Variants in MBP observed in about 807,000 individuals in gnomAD.
MBP encodes Golli-MBP.
MBP carries 16 observed loss-of-function variants against 35.8 expected under a neutral mutation model. That is an observed-to-expected ratio of 0.45 (90% CI 0.30 to 0.68). The LOEUF (loss-of-function observed/expected upper bound fraction) is 0.68, where lower values mean the gene tolerates loss of function less well. Among genes scored for constraint, MBP ranks in the 30% least tolerant of loss-of-function variants. The pLI is 0.08. For missense variants in MBP, 380 were observed against 404.7 expected, an observed-to-expected ratio of 0.94 and a Z score of 0.52; for synonymous variants, 143 against 159.6, an observed-to-expected ratio of 0.90 and a Z score of 0.78.
intron 8 of MBP, chr18:76,980,887 CCCTAGCA>C: frequency 5.2e-6 from 1 of 191,464 alleles, no homozygotes; most frequent in Non-Finnish European, 1.1e-5. Flanking sequence ...TTCGGCGGGA[CCCTAGCA>C]CACCCCTTGC....
At chr18:77,097,913 T>TAA (rs140236492) in intron 2 of MBP, among the ~76,000 whole-genome samples, 1 of 151,510 alleles carries the variant, frequency 6.6e-6, no homozygotes, top group Non-Finnish European at 1.5e-5. Context: ...AATCTTTTTT[T>TAA]TAAAAAAATA....
intron 3 of MBP, among the ~76,000 whole-genome samples, chr18:77,032,045 GA>G (rs1270332812): frequency 2.0e-5 from 3 of 152,242 alleles, no homozygotes; most frequent in Admixed American, 1.3e-4. Flanking sequence ...TAAAGGTGCA[GA>G]ACCGAGCTTT....
At chr18:77,093,688 T>C (rs1425589324) in intron 2 of MBP, among the ~76,000 whole-genome samples, 1 of 152,162 alleles carries the variant, frequency 6.6e-6, no homozygotes, top group Non-Finnish European at 1.5e-5. Flanking sequence ...AGGGTGAACC[T>C]CGTAAGATTG....
intron 3 of MBP, among the ~76,000 whole-genome samples, chr18:77,055,150 C>T (rs1190925768): frequency 1.3e-5 from 2 of 152,280 alleles, no homozygotes; most frequent in Admixed American, 6.5e-5. Context: ...CTGGGCCCTG[C>T]GTGTCTGTAC....
intron 3 of MBP, among the ~76,000 whole-genome samples, chr18:77,049,930 T>C (rs8088143): frequency 0.2 from 30,782 of 152,146 alleles, 3,605 homozygotes; most frequent in South Asian, 0.32. Context: ...TCTGCCTGCC[T>C]CAGCCTCCCA....
At position 77,009,910 on chromosome 18, in the gene MBP, G is replaced by A. The variant is rs149668522; in HGVS notation, c.576+6922C>T. 373 of 1,589,694 alleles carry A rather than the reference G, an allele frequency of 2.3e-4. 3 individuals are homozygous for A. In the Admixed American group the frequency reaches 6.3e-3, roughly 27 times the overall value. Reference sequence around the variant, plus strand: ...ATGAGAGGGCAGAGGGCTCCGGCCCGGCTTTAGCCAGGGTACCTGCCGGGG... The same window carrying A: ...ATGAGAGGGCAGAGGGCTCCGGCCCAGCTTTAGCCAGGGTACCTGCCGGGG... On this transcript the variant is annotated intron_variant, in intron 4 of 8. Transcript: ENST00000355994.
Position 76,989,258 on chromosome 18 carries a change from T to G in MBP, c.682-346A>C, listed in dbSNP as rs1969755723. Among the ~76,000 whole-genome samples the G allele has an allele frequency of 6.6e-6, 1 of 152,162 alleles. No individual in the cohort carries two copies. The highest frequency in any genetic ancestry group is 6.5e-5 in the Admixed American group (1 of 15,286). ...TTCCGGGGCTAGGAGTAGCGGGCCC[T>G]CTGACATTCAGAGCTTCCAAGGGGA... On this transcript the variant is annotated intron_variant, in intron 5 of 8. Transcript: ENST00000355994. This position sits in a 1 kb window ranked among gnomAD's most constrained non-coding sequence, Gnocchi z 4.0.
chr18:77,081,372 C>T (rs1230782675), intron 2 of MBP, among the ~76,000 whole-genome samples: 3 of 152,048 alleles, frequency 2.0e-5, no homozygotes, highest in African/African-American at 7.2e-5. Flanking sequence ...GACAAAAACC[C>T]AAGTTCGAAA....
At chr18:77,041,888 C>A (rs959692359) in intron 3 of MBP, among the ~76,000 whole-genome samples, 3 of 151,536 alleles carry the variant, frequency 2.0e-5, no homozygotes, top group African/African-American at 4.9e-5. Context: ...TGTAACAAAC[C>A]TGCACGTTGT....
intron 1 of MBP, among the ~76,000 whole-genome samples, chr18:77,123,853 T>C (rs1456295138): frequency 6.6e-6 from 1 of 152,234 alleles, no homozygotes; most frequent in Non-Finnish European, 1.5e-5. Flanking sequence ...TATTGACCTC[T>C]GGAGCTTTAG....
chr18:76,989,453 A>G lies in MBP; in HGVS notation c.681+503T>C, dbSNP rs527851611. Among the ~76,000 whole-genome samples, 1 of 152,234 alleles carries G rather than the reference A, an allele frequency of 6.6e-6. No homozygotes were observed. Among genetic ancestry groups the G allele is most frequent in the Non-Finnish European group, 1.5e-5 (1 of 68,010 alleles). The stretch of plus-strand genomic sequence containing the variant: ...AAAAACTGTGCAGAAATTAGTTTCC[A>G]CATACCCCGAACAGTTTCCCTTATT... On this transcript the variant is annotated intron_variant, in intron 5 of 8. Transcript: ENST00000355994. This position sits in a 1 kb window ranked among gnomAD's most constrained non-coding sequence, Gnocchi z 4.0.
At chr18:76,982,171 T>C (rs1969242445) in intron 8 of MBP, 1 of 152,278 alleles carries the variant, frequency 6.6e-6, no homozygotes. Flanking sequence ...TCATCCTCTC[T>C]TTATAGCTCA....
rs1969096729 is a variant in MBP at position 76,980,156 on chromosome 18, C to T, written c.*271G>A. On this transcript the variant is annotated 3_prime_UTR_variant, in exon 9 of 9. Transcript: ENST00000355994. ...GTGCACCTGGCCCCCTGAAGACCCA[C>T]GTGCGTCTGGGGGCACATTGCGGGG... 2 of 647,430 alleles carry T rather than the reference C, an allele frequency of 3.1e-6. No homozygotes were observed. Among genetic ancestry groups the T allele is most frequent in the African/African-American group, 1.8e-5 (1 of 55,196 alleles). The allele number at this position is 647,430 out of a possible 1,614,324, so 40.1% of individuals were successfully genotyped here.
intron 1 of MBP, among the ~76,000 whole-genome samples, chr18:77,118,612 CCACACACACA>C (rs71174609): frequency 2.2e-5 from 3 of 134,280 alleles, no homozygotes; most frequent in Admixed American, 7.4e-5. Context: ...TCCACAGACA[CCACACACACA>C]CACACACACA....
At chr18:77,132,050 C>T (rs1004276673) in intron 1 of MBP, among the ~76,000 whole-genome samples, 1 of 152,056 alleles carries the variant, frequency 6.6e-6, no homozygotes, top group Non-Finnish European at 1.5e-5. Context: ...GATTAGCAGG[C>T]GCCGCGAGCC....
At chr18:77,072,469 G>T (rs1974491869) in intron 2 of MBP, among the ~76,000 whole-genome samples, 1 of 152,044 alleles carries the variant, frequency 6.6e-6, no homozygotes, top group Non-Finnish European at 1.5e-5. Flanking sequence ...TGATTGCCTG[G>T]GTAACAGGGA....
chr18:77,078,432 G>A (rs944991164), intron 2 of MBP, among the ~76,000 whole-genome samples: 3 of 152,156 alleles, frequency 2.0e-5, no homozygotes, highest in Non-Finnish European at 2.9e-5. Flanking sequence ...AGCCCTTCCC[G>A]TAAGTCCTCC....
intron 3 of MBP, among the ~76,000 whole-genome samples, chr18:77,024,441 T>C (rs922094782): frequency 2.6e-5 from 4 of 152,228 alleles, no homozygotes; most frequent in Admixed American, 2.6e-4. Context: ...TCTAATATGG[T>C]AAATAAAACC....
At chr18:77,111,225 G>A (rs1976441168) in intron 1 of MBP, among the ~76,000 whole-genome samples, 1 of 152,182 alleles carries the variant, frequency 6.6e-6, no homozygotes, top group Non-Finnish European at 1.5e-5. Flanking sequence ...CAGTGCTCAT[G>A]GGCACGGTTC....
Sources: allele counts gnomAD v4.1 joint callset (sites outside exome capture counted in the v4.1 genomes callset), GRCh38; gene constraint gnomAD v4.1.1; non-coding constraint Gnocchi (gnomAD v3.1); transcripts MANE v1.5; gene names NCBI Gene and HGNC (gene_info 2026-07-23, HGNC 2026-07-21).